SULT6B1: variants seen among roughly 807,000 people sequenced by gnomAD.
SULT6B1 encodes sulfotransferase family 6B member 1.
Under a neutral mutation model 37.2 loss-of-function variants are expected in SULT6B1, and 44 were observed. The ratio of observed to expected loss-of-function variants is 1.18; its 90% confidence interval spans 0.93 to 1.52. The LOEUF is 1.52. Among genes scored for constraint, SULT6B1 ranks in the 40% most tolerant of loss-of-function variants. SULT6B1 has a pLI of 0.00. For missense variants in SULT6B1, 450 were observed against 361.0 expected (o/e 1.25, Z -2.00); for synonymous variants, 140 against 126.0 (o/e 1.11, Z -0.74).
upstream of SULT6B1, among the ~76,000 whole-genome samples, chr2:37,189,433 T>C (rs1676739054): frequency 1.3e-5 from 2 of 152,210 alleles, no homozygotes; most frequent in Admixed American, 1.3e-4. Context: ...AAAGCACACT[T>C]AGAAGACACC....
At chr2:37,183,308 A>T (rs1572463120) in intron 3 of SULT6B1, 117 bp downstream of exon 3, 1 of 790,282 alleles carries the variant, frequency 1.3e-6, no homozygotes, top group African/African-American at 1.7e-5. Flanking sequence ...AAAAAACTAA[A>T]TGTCACAGTT....
chr2:37,179,347 G>C, intron 4 of SULT6B1, 111 bp downstream of exon 4: 1 of 1,348,726 alleles, frequency 7.4e-7, no homozygotes, highest in Non-Finnish European at 1.0e-6. Context: ...GAAACTTTTT[G>C]GTTCCCAGAT....
At chr2:37,192,539 T>A (rs1468873966), upstream of SULT6B1, among the ~76,000 whole-genome samples, 1 of 152,226 alleles carries the variant, frequency 6.6e-6, no homozygotes, top group African/African-American at 2.4e-5. Flanking sequence ...CCTTATATAA[T>A]AATGTGATGA....
chr2:37,190,634 C>A (rs943038696), upstream of SULT6B1, among the ~76,000 whole-genome samples: 1 of 152,110 alleles, frequency 6.6e-6, no homozygotes, highest in Non-Finnish European at 1.5e-5. Context: ...AGGTTTTAAT[C>A]GGAGAGCCAG....
chr2:37,168,285 C>T (rs1003909217), intron 6 of SULT6B1, among the ~76,000 whole-genome samples: 2 of 152,072 alleles, frequency 1.3e-5, no homozygotes, highest in Admixed American at 1.3e-4. Context: ...CCTTAGCCTA[C>T]CGAGTAGCTG....
At chr2:37,171,108 A>G (rs538391907) in intron 6 of SULT6B1, among the ~76,000 whole-genome samples, 31 of 152,204 alleles carry the variant, frequency 2.0e-4, no homozygotes, top group Middle Eastern at 3.4e-3. Flanking sequence ...GTGTGGTGGC[A>G]CGCGCCTGTT....
chr2:37,169,792 C>G (rs1676257075), intron 6 of SULT6B1, among the ~76,000 whole-genome samples: 1 of 152,134 alleles, frequency 6.6e-6, no homozygotes, highest in African/African-American at 2.4e-5. Flanking sequence ...CATGTCCGGC[C>G]TTAGAACTTC....
chr2:37,180,837 T>A (rs1676534862), intron 3 of SULT6B1, among the ~76,000 whole-genome samples: 2 of 152,086 alleles, frequency 1.3e-5, no homozygotes, highest in Admixed American at 1.3e-4. Flanking sequence ...TGAGCCAAGA[T>A]TGTGCCATTT....
At chr2:37,169,768 C>T (rs1442460779) in intron 6 of SULT6B1, among the ~76,000 whole-genome samples, 1 of 152,196 alleles carries the variant, frequency 6.6e-6, no homozygotes, top group Non-Finnish European at 1.5e-5. Flanking sequence ...GCTGGGATTA[C>T]AGGCATGAGC....
chr2:37,189,839 G>A (rs574913201), upstream of SULT6B1: 2 of 152,310 alleles, frequency 1.3e-5, no homozygotes, highest in South Asian at 4.2e-4. Context: ...GGCTAAAACA[G>A]TAAGTTGATG....
rs1676647579 is a variant in SULT6B1 at position 37,185,322 on chromosome 2, C to T, written c.313-1808G>A. 2.6e-5 allele frequency among the ~76,000 whole-genome samples: 4 copies of T among 152,128 alleles called. No homozygotes were observed. In the South Asian group the frequency reaches 8.3e-4, roughly 32 times the overall value. On this transcript the variant is annotated intron_variant, in intron 2 of 6. Coordinates refer to ENST00000535679, the MANE Select transcript of SULT6B1 (RefSeq NM_001367551.1). ...AATATAGCCCAAATGTGAGCAAAGA[C>T]TAGATACCTTATTTAAGGAAAAATA...
intron 3 of SULT6B1, among the ~76,000 whole-genome samples, chr2:37,181,465 C>T (rs182613338): frequency 2.0e-5 from 3 of 152,184 alleles, no homozygotes; most frequent in Non-Finnish European, 2.9e-5. Context: ...ACTGCAACCT[C>T]TGCCTCCTGG....
At chr2:37,181,790 TAG>T (rs1420559381) in intron 3 of SULT6B1, among the ~76,000 whole-genome samples, 3 of 152,196 alleles carry the variant, frequency 2.0e-5, no homozygotes, top group African/African-American at 7.2e-5. Flanking sequence ...CTGTTTATTA[TAG>T]AGACACTAAG....
chr2:37,185,327 T>C (rs1405539457), intron 2 of SULT6B1, among the ~76,000 whole-genome samples: 2 of 152,190 alleles, frequency 1.3e-5, no homozygotes, highest in East Asian at 3.8e-4. Flanking sequence ...AAAGACTAGA[T>C]ACCTTATTTA....
At chr2:37,177,995 C>G (rs768484155) in intron 4 of SULT6B1, among the ~76,000 whole-genome samples, 1 of 152,162 alleles carries the variant, frequency 6.6e-6, no homozygotes, top group Non-Finnish European at 1.5e-5. Flanking sequence ...TCTCTGGCCA[C>G]TATACTCATG....
At chr2:37,195,511 G>C (rs759991974) in intron 1 of SULT6B1, among the ~76,000 whole-genome samples, 9 of 152,124 alleles carry the variant, frequency 5.9e-5, no homozygotes, top group Non-Finnish European at 8.8e-5. Context: ...CGTGGACAGA[G>C]TTAGCTCCAG....
At chr2:37,184,108 C>T (rs1351841314) in intron 2 of SULT6B1, among the ~76,000 whole-genome samples, 1 of 152,168 alleles carries the variant, frequency 6.6e-6, no homozygotes, top group Non-Finnish European at 1.5e-5. Flanking sequence ...ACAATCATAT[C>T]AAATCCATTT....
intron 3 of SULT6B1, among the ~76,000 whole-genome samples, chr2:37,182,365 T>C (rs28627823): frequency 0.27 from 41,236 of 151,940 alleles, 6,712 homozygotes; most frequent in East Asian, 0.78. Flanking sequence ...GCGATTCTGC[T>C]GCCTCAGGCT....
intron 3 of SULT6B1, among the ~76,000 whole-genome samples, chr2:37,182,596 T>C (rs902908407): frequency 6.6e-6 from 1 of 152,174 alleles, no homozygotes; most frequent in African/African-American, 2.4e-5. Context: ...CTCAAAGTGC[T>C]GGGATTACAA....
Sources: gnomAD v4.1 joint callset for allele counts (sites outside exome capture counted in the v4.1 genomes callset) on GRCh38, gnomAD v4.1.1 for gene constraint, MANE v1.5 for transcripts, NCBI Gene and HGNC (gene_info 2026-07-23, HGNC 2026-07-21) for gene names.